The following PIN4 variants were observed in gnomAD, a reference collection of about 807,000 sequenced individuals.
PIN4 encodes peptidylprolyl cis/trans isomerase, NIMA-interacting 4, also known as peptidyl-prolyl cis-trans isomerase NIMA-interacting 4.
Under a neutral mutation model 8.3 loss-of-function variants are expected in PIN4, and 3 were observed. The ratio of observed to expected loss-of-function variants is 0.36; its 90% CI spans 0.16 to 0.93. PIN4 has a LOEUF of 0.93. Among genes scored for constraint, PIN4 ranks in the 40% least tolerant of loss-of-function variants. The pLI is 0.44. For synonymous variants in PIN4, 18 were observed against 32.5 expected (o/e 0.55, Z 1.52); for missense variants, 75 against 100.6 (o/e 0.75, Z 1.09).
At chrX:72,196,118 C>CTAAA (rs997839623) in intron 2 of PIN4, among the ~76,000 whole-genome samples, 9 of 109,795 alleles carry the variant, frequency 8.2e-5, no homozygotes, top group African/African-American at 1.7e-4. Flanking sequence ...GACTCCGTCT[C>CTAAA]TAAATAAATA....
intron 3 of PIN4, among the ~76,000 whole-genome samples, chrX:72,211,653 A>G (rs1286075673): frequency 9.0e-6 from 1 of 110,833 alleles, no homozygotes; most frequent in Non-Finnish European, 1.9e-5. Flanking sequence ...AGTGGCACAC[A>G]CCTGTAGTCA....
At position 72,197,845 on chromosome X, in the gene PIN4, A is replaced by G; in HGVS notation, c.*319A>G. ...TGTCCCATAAATTAATTCAGAAACC[A>G]TCTTCAGGGGAAGCAGATATCAACT... On this transcript the variant is annotated 3_prime_UTR_variant, in exon 4 of 4. Transcript: ENST00000373669. The G allele has an allele frequency of 2.6e-6, 2 of 776,037 alleles. No homozygotes were observed. Among genetic ancestry groups the G allele is most frequent in the Non-Finnish European group, 3.1e-6 (2 of 651,607 alleles). 64.0% of individuals were successfully genotyped at this position (776,037 alleles called of 1,213,427 possible).
chrX:72,234,147 T>C (rs1602453499), intron 3 of PIN4, among the ~76,000 whole-genome samples: 1 of 111,623 alleles, frequency 9.0e-6, no homozygotes, highest in Admixed American at 9.6e-5. Context: ...AAGGAATATA[T>C]ACTTAAGTAT....
At chrX:72,261,241 A>G in intron 3 of PIN4, among the ~76,000 whole-genome samples, 1 of 102,976 alleles carries the variant, frequency 9.7e-6, no homozygotes, top group Non-Finnish European at 2.0e-5. Context: ...GGTTGCAGTG[A>G]GCCGAGACGT....
intron 3 of PIN4, chrX:72,206,536 C>T: frequency 8.3e-7 from 1 of 1,211,431 alleles, no homozygotes; most frequent in Non-Finnish European, 1.1e-6. Context: ...CAATTTAGGG[C>T]ATTTCTTCTT....
chrX:72,205,451 G>C, intron 3 of PIN4: 1 of 1,211,399 alleles, frequency 8.3e-7, no homozygotes. Context: ...TCCTCCACGT[G>C]GTCTAAAACC....
chrX:72,223,910 G>A (rs984050966), intron 3 of PIN4, among the ~76,000 whole-genome samples: 2 of 111,044 alleles, frequency 1.8e-5, no homozygotes, highest in East Asian at 2.9e-4. Flanking sequence ...CTACCAAACC[G>A]TGCCCAACTT....
chrX:72,203,300 T>C (rs2042798183), downstream of PIN4, among the ~76,000 whole-genome samples: 1 of 111,876 alleles, frequency 8.9e-6, no homozygotes, highest in Admixed American at 9.5e-5. Flanking sequence ...AAGCTGGTAA[T>C]AGTAAGTAAA....
At chrX:72,191,973 T>C (rs1387907185) in intron 2 of PIN4, among the ~76,000 whole-genome samples, 2 of 110,449 alleles carry the variant, frequency 1.8e-5, no homozygotes, top group African/African-American at 3.3e-5. Flanking sequence ...GTTTTTGAGA[T>C]GGAGTCTCAC....
intron 3 of PIN4, chrX:72,205,337 C>T (rs144948480): frequency 5.0e-6 from 6 of 1,210,559 alleles, no homozygotes; most frequent in Non-Finnish European, 6.7e-6. Context: ...GAAGGATCCT[C>T]TTCTGTATAC....
intron 3 of PIN4, among the ~76,000 whole-genome samples, chrX:72,203,643 A>C (rs2042800496): frequency 8.9e-6 from 1 of 112,179 alleles, no homozygotes; most frequent in Non-Finnish European, 1.9e-5. Flanking sequence ...AGTGTATTAT[A>C]GTGTATTCAT....
chrX:72,229,992 G>A (rs779774543), intron 3 of PIN4, among the ~76,000 whole-genome samples: 26 of 109,625 alleles, frequency 2.4e-4, no homozygotes, highest in South Asian at 2.0e-3. Flanking sequence ...TGGCTAACAC[G>A]GTGAAATCCC....
chrX:72,212,284 T>A lies in PIN4; in HGVS notation c.312+15380T>A, dbSNP rs1239363405. Among the ~76,000 whole-genome samples the A allele has an allele frequency of 3.7e-5, 4 of 109,507 alleles. No individual in the cohort carries two copies. In the East Asian group the frequency reaches 8.6e-4, roughly 24 times the overall value. ...GACCCCATCTCAAAAAAAATAATAA[T>A]AATAATAATAAAATCATCTCTGCCC... On this transcript the variant is annotated intron_variant, in intron 3 of 3. Coordinates refer to the PIN4 transcript ENST00000423432.
Position 72,205,005 on chromosome X carries a change from G to A in PIN4, c.312+8101G>A, listed in dbSNP as rs377194117. The A allele has an allele frequency of 5.5e-5, 64 of 1,159,474 alleles. No individual in the cohort carries two copies. The South Asian group carries it at 1.2e-3, about 21-fold the overall frequency. ...TTTCACTTTAAAATACAATAAACAG[G>A]TTACATTCTCAATTGTTATTAAGTT... is the stretch of plus-strand genomic sequence containing the variant. On this transcript the variant is annotated intron_variant, in intron 3 of 3. Coordinates refer to the PIN4 transcript ENST00000423432.
At chrX:72,215,668 C>T (rs927347822) in intron 3 of PIN4, among the ~76,000 whole-genome samples, 9 of 111,460 alleles carry the variant, frequency 8.1e-5, no homozygotes, top group African/African-American at 2.9e-4. Context: ...ATTCATAACA[C>T]GCTGCGATTT....
intron 3 of PIN4, among the ~76,000 whole-genome samples, chrX:72,251,901 C>A (rs1297925775): frequency 1.8e-5 from 2 of 110,063 alleles, no homozygotes; most frequent in African/African-American, 6.6e-5. Flanking sequence ...TGTACTCCAG[C>A]CTGGGTGACA....
intron 3 of PIN4, among the ~76,000 whole-genome samples, chrX:72,223,397 A>G (rs1014784326): frequency 9.5e-6 from 1 of 105,070 alleles, no homozygotes; most frequent in South Asian, 4.5e-4. Flanking sequence ...GACCTCCTAA[A>G]TGCGGCCTTT....
At chrX:72,239,129 C>T in intron 3 of PIN4, 1 of 395,646 alleles carries the variant, frequency 2.5e-6, no homozygotes, top group Non-Finnish European at 4.4e-6. Context: ...CCGCCCATGA[C>T]GGTGGGCGCC....
intron 3 of PIN4, chrX:72,238,083 G>A (rs774224957): frequency 8.0e-5 from 9 of 111,942 alleles, no homozygotes; most frequent in Non-Finnish European, 1.1e-4. Flanking sequence ...AAGTTCTGGA[G>A]ATGACGGACG....
Sources: allele counts gnomAD v4.1 joint callset (sites outside exome capture counted in the v4.1 genomes callset), GRCh38; gene constraint gnomAD v4.1.1; transcripts MANE v1.5; gene names NCBI Gene and HGNC (gene_info 2026-07-23, HGNC 2026-07-21).